Variants in LRRC8E observed in about 807,000 individuals in gnomAD.
The protein encoded by LRRC8E is volume-regulated anion channel subunit LRRC8E.
In LRRC8E, 6 loss-of-function variants were observed where a neutral mutation model predicts 6.1. That is an observed-to-expected ratio of 0.98 (90% CI 0.54 to 1.93). LRRC8E has a LOEUF of 1.93. LRRC8E is among the 30% of genes most tolerant of loss of function. The pLI is 0.01. For missense variants in LRRC8E, 1,028 were observed against 1,031.4 expected, an observed-to-expected ratio of 1.00 and a Z score of 0.04; for synonymous variants, 485 against 472.8, an observed-to-expected ratio of 1.03 and a Z score of -0.33.
chr19:7,895,655 A>C lies in LRRC8E; in HGVS notation c.52A>C (p.Lys18Gln). 1 of 1,614,118 alleles carries C rather than the reference A, an allele frequency of 6.2e-7. No homozygotes were observed. The highest frequency in any genetic ancestry group is 1.1e-5 in the South Asian group (1 of 91,076). The part of the protein sequence containing the change: ...KQFTEQQPAF[K>Q]VLKPWWDVLA... ...GTTCACGGAACAGCAGCCTGCGTTC[A>C]AGGTGCTCAAACCCTGGTGGGACGT... Residue 18 changes from lysine to glutamine, a missense_variant, in exon 2 of 3, where the codon AAG becomes CAG. Physicochemically the swap from Lys to Gln is moderately conservative, Grantham distance 53. Coordinates refer to ENST00000306708, the MANE Select transcript of LRRC8E (RefSeq NM_025061.6). The surrounding 1 kb of genome is among the most constrained non-coding windows in gnomAD (Gnocchi z 4.7).
In LRRC8E at chr19:7,900,824, G is replaced by C. The variant is rs763342551; in HGVS notation, c.2302G>C (p.Gly768Arg). ...GCTGCCAGAAGAACTTGGCAACTGT[G>C]GGGGGCTCAAGAAGGCGGGGCTCCT... ...EALPEELGNC[G>R]GLKKAGLLVE... is the part of the protein sequence containing the mutation. Residue 768 changes from glycine (G) to arginine (R), a missense_variant, in exon 3 of 3, where the codon GGG becomes CGG. Coordinates refer to ENST00000306708, the MANE Select transcript of LRRC8E (RefSeq NM_025061.6). This position sits in a 1 kb window ranked among gnomAD's most constrained non-coding sequence, Gnocchi z 5.0. 12 of 1,585,924 alleles carry C rather than the reference G, an allele frequency of 7.6e-6. No individual in the cohort carries two copies. The African/African-American group carries it at 1.5e-4, about 20-fold the overall frequency.
At position 7,899,904 on chromosome 19, in the gene LRRC8E, A is replaced by C; in HGVS notation, c.1382A>C (p.His461Pro). Residue 461 changes from histidine to proline, a missense_variant, in exon 3 of 3, where the codon CAC becomes CCC. Coordinates refer to ENST00000306708, the MANE Select transcript of LRRC8E (RefSeq NM_025061.6). ...CCCCCGGGGCTGTCACAGCTGGTGC[A>C]CTTGCAGGAGCTCAGCTTGCTCCAC... ...TFPPGLSQLV[H>P]LQELSLLHSP... The C allele has an allele frequency of 1.2e-6, 2 of 1,607,940 alleles. No individual in the cohort carries two copies. Among genetic ancestry groups the C allele is most frequent in the Non-Finnish European group, 1.7e-6 (2 of 1,179,972 alleles).
chr19:7,897,169 T>C (rs937995747), intron 2 of LRRC8E, among the ~76,000 whole-genome samples: 1 of 125,854 alleles, frequency 7.9e-6, no homozygotes, highest in African/African-American at 3.0e-5. Flanking sequence ...TATTTTTCTT[T>C]TTCTTTTTCT....
chr19:7,892,361 C>T (rs952529750), intron 1 of LRRC8E, among the ~76,000 whole-genome samples: 2 of 152,022 alleles, frequency 1.3e-5, no homozygotes, highest in African/African-American at 2.4e-5. Flanking sequence ...CGTGAGCCAC[C>T]GCACCCGGCC....
intron 2 of LRRC8E, among the ~76,000 whole-genome samples, chr19:7,897,834 A>G (rs193165018): frequency 6.6e-5 from 10 of 152,046 alleles, no homozygotes; most frequent in African/African-American, 2.4e-4. Context: ...AGCTCAAATA[A>G]TACCACATTC....
chr19:7,889,468 C>T (rs963495152), intron 1 of LRRC8E, among the ~76,000 whole-genome samples: 1 of 150,084 alleles, frequency 6.7e-6, no homozygotes, highest in Non-Finnish European at 1.5e-5. Context: ...TGAGGCCAGG[C>T]ACAGTGGCTC....
intron 1 of LRRC8E, chr19:7,893,664 A>G (rs892955997): frequency 2.0e-5 from 3 of 150,120 alleles, no homozygotes; most frequent in Non-Finnish European, 3.0e-5. Flanking sequence ...TCTCCTGCCT[A>G]GCTGGGACTA....
chr19:7,892,706 G>A (rs901345614), intron 1 of LRRC8E, among the ~76,000 whole-genome samples: 1 of 152,186 alleles, frequency 6.6e-6, no homozygotes. Flanking sequence ...GTCCATTTTG[G>A]TGGGTGCAAT....
rs752213130 is a variant in LRRC8E, at chr19:7,896,822, G to A, written c.138+1081G>A. Among the ~76,000 whole-genome samples, 5 of 151,994 alleles carry A rather than the reference G, an allele frequency of 3.3e-5. 1 individual carries two copies. The highest frequency in any genetic ancestry group is 4.2e-4 in the South Asian group (2 of 4,814). ...GTTGCCCAGGCTTGTCTCGGACTCC[G>A]GGCCTCAAGCCATCCTCCCACCTCG... On this transcript the variant is annotated intron_variant, in intron 2 of 2. Coordinates refer to ENST00000306708, the MANE Select transcript of LRRC8E (RefSeq NM_025061.6).
At position 7,899,857 on chromosome 19, in the gene LRRC8E, G is replaced by A. The variant is rs1342499560; in HGVS notation, c.1335G>A (p.Glu445=). The change falls in exon 3 of 3, where the codon GAG becomes GAA. Residue 445 remains glutamate, a synonymous_variant. Transcript: ENST00000306708. The part of the protein sequence containing the change: ...ELSEVESLRL[E]AICDITFPPG... ...GTGAGGTGGAGTCACTCAGGCTGGA[G>A]GCCATCTGCGATATCACCTTCCCCC... 6.2e-7 allele frequency: 1 copy of A among 1,606,136 alleles called. No homozygotes were observed. The highest frequency in any genetic ancestry group is 8.5e-7 in the Non-Finnish European group (1 of 1,179,950).
At chr19:7,889,195 T>C (rs187936168) in intron 1 of LRRC8E, among the ~76,000 whole-genome samples, 2 of 152,208 alleles carry the variant, frequency 1.3e-5, no homozygotes, top group Admixed American at 1.3e-4. Context: ...CTTACGTCTA[T>C]AATCCCAGCA....
intron 1 of LRRC8E, among the ~76,000 whole-genome samples, chr19:7,889,939 G>A (rs1981218034): frequency 6.6e-6 from 1 of 151,750 alleles, no homozygotes; most frequent in Non-Finnish European, 1.5e-5. Context: ...TAGAGATGGG[G>A]TTTCATCATG....
chr19:7,900,162 G>C lies in LRRC8E; in HGVS notation c.1640G>C (p.Gly547Ala). The change falls in exon 3 of 3, where the codon GGG (glycine) becomes GCG (alanine). Residue 547 changes from glycine (G) to alanine (A), a missense_variant. Coordinates refer to ENST00000306708, the MANE Select transcript of LRRC8E (RefSeq NM_025061.6). This position sits in a 1 kb window ranked among gnomAD's most constrained non-coding sequence, Gnocchi z 5.0. ...GTGTTGTCCCTCCGGAGCAACGCCG[G>C]GAAGGTGCCAGCCAGTGTGACCGAC... is the stretch of plus-strand genomic sequence containing the variant. ...LKVLSLRSNA[G>A]KVPASVTDVA... 1 of 1,613,052 alleles carries C rather than the reference G, an allele frequency of 6.2e-7. No homozygotes were observed. The highest frequency in any genetic ancestry group is 8.5e-7 in the Non-Finnish European group (1 of 1,179,980).
Position 7,899,693 on chromosome 19 carries a change from A to G in LRRC8E, c.1171A>G (p.Ser391Gly), listed in dbSNP as rs1242659702. Reference protein sequence around the residue: ...FAVFLSEVSESRLKQLNLNHE... With the variant: ...FAVFLSEVSEGRLKQLNLNHE... ...CGTCTTCCTGTCCGAGGTCAGCGAA[A>G]GCCGTCTAAAGCAGCTCAATCTCAA... Residue 391 changes from serine to glycine, a missense_variant, in exon 3 of 3, where the codon AGC (serine) becomes GGC (glycine). By Grantham distance (56) the Ser-to-Gly change is moderately conservative (BLOSUM62 0). Coordinates refer to ENST00000306708, the MANE Select transcript of LRRC8E (RefSeq NM_025061.6). The G allele has an allele frequency of 1.9e-6, 3 of 1,613,564 alleles. No individual in the cohort carries two copies. The highest frequency in any genetic ancestry group is 2.5e-6 in the Non-Finnish European group (3 of 1,180,022).
intron 2 of LRRC8E, among the ~76,000 whole-genome samples, chr19:7,896,023 T>C (rs1018288680): frequency 3.9e-5 from 6 of 152,110 alleles, no homozygotes; most frequent in Admixed American, 6.5e-5. Context: ...CTGCAACATC[T>C]GCCTCCCGGG....
At chr19:7,896,306 G>T (rs1443573959) in intron 2 of LRRC8E, among the ~76,000 whole-genome samples, 1 of 150,472 alleles carries the variant, frequency 6.6e-6, no homozygotes, top group Non-Finnish European at 1.5e-5. Flanking sequence ...GGGCATGGTG[G>T]CTCACACCTG....
chr19:7,899,247 G>A lies in LRRC8E; in HGVS notation c.725G>A (p.Arg242His), dbSNP rs146121701. The change falls in exon 3 of 3, where the codon CGC becomes CAC. Residue 242 changes from arginine to histidine, a missense_variant. Arg to His is a conservative substitution (Grantham distance 29). Coordinates refer to ENST00000306708, the MANE Select transcript of LRRC8E (RefSeq NM_025061.6). ...CTGTTTGAGAAGGTGAAGAAGTTCCGCATGCACGTGGAAGAGGGCGACATC... is the reference window on the plus strand; with the variant it reads ...CTGTTTGAGAAGGTGAAGAAGTTCCACATGCACGTGGAAGAGGGCGACATC... Reference protein sequence around the residue: ...KALFEKVKKFRMHVEEGDILY... With the variant: ...KALFEKVKKFHMHVEEGDILY... The A allele has an allele frequency of 4.3e-5, 70 of 1,614,196 alleles. No individual in the cohort carries two copies. Among genetic ancestry groups the A allele is most frequent in the Middle Eastern group, 1.6e-4 (1 of 6,062 alleles).
At position 7,900,916 on chromosome 19, in the gene LRRC8E, C is replaced by G; in HGVS notation, c.*3C>G. On this transcript the variant is annotated 3_prime_UTR_variant, in exon 3 of 3. Transcript: ENST00000306708. This position sits in a 1 kb window ranked among gnomAD's most constrained non-coding sequence, Gnocchi z 5.0. ...GGGACAAGATGGAGGAGGAATGAAGCTGGGGTGGGGCCGTTTTAGGTAGAG... is the reference window on the plus strand; with the variant it reads ...GGGACAAGATGGAGGAGGAATGAAGGTGGGGTGGGGCCGTTTTAGGTAGAG... 1 of 1,512,876 alleles carries G rather than the reference C, an allele frequency of 6.6e-7. No homozygotes were observed. 93.7% of individuals were successfully genotyped at this position (1,512,876 alleles called of 1,614,324 possible). A position where few individuals can be genotyped will look rare whatever the true frequency, so the allele number is the denominator to read the frequency against.
At chr19:7,894,892 C>T (rs1458364820) in intron 1 of LRRC8E, among the ~76,000 whole-genome samples, 2 of 152,246 alleles carry the variant, frequency 1.3e-5, no homozygotes, top group African/African-American at 4.8e-5. Context: ...CACCCCATTG[C>T]CCCCTCTCAG....
Sources: gnomAD v4.1 joint callset for allele counts (sites outside exome capture counted in the v4.1 genomes callset) on GRCh38, gnomAD v4.1.1 for gene constraint, Gnocchi (gnomAD v3.1) non-coding constraint, MANE v1.5 for transcripts, NCBI Gene and HGNC (gene_info 2026-07-23, HGNC 2026-07-21) for gene names.